IRAG2: variants seen among roughly 807,000 people sequenced by gnomAD.
The protein encoded by IRAG2 is lymphoid restricted membrane protein.
A neutral mutation model predicts 69.9 loss-of-function variants in IRAG2; 45 were observed. The ratio of observed to expected loss-of-function variants is 0.64; its 90% CI spans 0.51 to 0.83. The LOEUF is 0.83. IRAG2 is among the 40% of genes least tolerant of loss of function. The pLI, the probability that IRAG2 is intolerant of heterozygous loss-of-function variation, is 0.00. For synonymous variants in IRAG2, 193 were observed against 202.4 expected, an observed-to-expected ratio of 0.95 and a Z score of 0.40; for missense variants, 520 against 587.0, an observed-to-expected ratio of 0.89 and a Z score of 1.18.
chr12:25,004,915 G>A (rs1944419409), exon 1 of IRAG2: 2 of 1,222,560 alleles, frequency 1.6e-6, no homozygotes, highest in African/African-American at 3.1e-5. Flanking sequence ...GAATGAAGAT[G>A]GTAAATATTC....
chr12:25,015,112 A>AAAAAAAAAAAAAAAAT, intron 3 of IRAG2: 1 of 359,396 alleles, frequency 2.8e-6, no homozygotes, highest in Non-Finnish European at 3.8e-6. Context: ...AAAAAAAAAA[A>AAAAAAAAAAAAAAAAT]GACAAAACTT....
chr12:25,005,561 G>A (rs538377021), intron 2 of IRAG2, among the ~76,000 whole-genome samples: 3 of 152,284 alleles, frequency 2.0e-5, no homozygotes, highest in African/African-American at 7.2e-5. Flanking sequence ...TTTTGCATCA[G>A]CATATTTTAA....
chr12:25,092,149 C>A (rs1402191043), intron 14 of IRAG2, among the ~76,000 whole-genome samples: 4 of 151,846 alleles, frequency 2.6e-5, no homozygotes, highest in African/African-American at 4.8e-5. Flanking sequence ...TCTGTAGTCC[C>A]AGCTACTTGG....
At chr12:25,043,072 C>CT (rs1482278715) in intron 16 of IRAG2, among the ~76,000 whole-genome samples, 1 of 151,682 alleles carries the variant, frequency 6.6e-6, no homozygotes, top group African/African-American at 2.4e-5. Flanking sequence ...CCCTCCTTCT[C>CT]TCCAGGAGCA....
exon 3 of IRAG2, chr12:25,011,372 C>T: frequency 2.1e-5 from 26 of 1,231,716 alleles, no homozygotes; most frequent in Non-Finnish European, 2.4e-5. Flanking sequence ...TTTCCAAAGG[C>T]TCAGTCGGAG....
chr12:25,050,620 C>CACT (rs1413888212), upstream of IRAG2, among the ~76,000 whole-genome samples: 1 of 151,928 alleles, frequency 6.6e-6, no homozygotes, highest in Non-Finnish European at 1.5e-5. Flanking sequence ...CTAGGAACCC[C>CACT]ACTTCTGGGT....
chr12:25,088,267 G>C, intron 11 of IRAG2, 110 bp downstream of exon 11: 1 of 854,306 alleles, frequency 1.2e-6, no homozygotes, highest in African/African-American at 1.7e-5. Context: ...CTGCATCTCT[G>C]GATAAGGTCA....
chr12:25,072,726 A>C (rs1275850868), intron 6 of IRAG2, among the ~76,000 whole-genome samples: 1 of 152,194 alleles, frequency 6.6e-6, no homozygotes, highest in East Asian at 1.9e-4. Context: ...TATAACAAAC[A>C]ACTTGACCTG....
chr12:25,087,182 T>G (rs893433344), intron 10 of IRAG2, among the ~76,000 whole-genome samples: 1 of 143,176 alleles, frequency 7.0e-6, no homozygotes, highest in Non-Finnish European at 1.5e-5. Context: ...TTTTTTTTTT[T>G]GTTGAGACAG....
At chr12:25,079,094 C>T (rs1249435548) in intron 6 of IRAG2, 150 bp from the exon 7 acceptor site, 1 of 707,598 alleles carries the variant, frequency 1.4e-6, no homozygotes, top group Non-Finnish European at 2.5e-6. Flanking sequence ...ATCCATCTGC[C>T]CTATACCATC....
At chr12:25,102,112 GCTTTAC>G in intron 16 of IRAG2, 80 bp from the exon 17 acceptor site, 2 of 956,514 alleles carry the variant, frequency 2.1e-6, no homozygotes, top group East Asian at 2.5e-5. Flanking sequence ...TCTGAATTTT[GCTTTAC>G]CTTTAAAGAA....
chr12:25,033,791 T>C, intron 12 of IRAG2: 1 of 398,236 alleles, frequency 2.5e-6, no homozygotes, highest in Non-Finnish European at 4.4e-6. Flanking sequence ...TTCTGTTGAC[T>C]TCAAACGTAA....
At chr12:25,049,734 C>G (rs183653705), upstream of IRAG2, among the ~76,000 whole-genome samples, 426 of 152,200 alleles carry the variant, frequency 2.8e-3, 1 homozygote, top group Non-Finnish European at 5.1e-3. Context: ...CGCCTGTAAT[C>G]CCAGCACTTT....
In IRAG2 at chr12:25,060,271, C is replaced by A. The variant is rs115365568; in HGVS notation, c.-446-1321C>A. Among the ~76,000 whole-genome samples the A allele has an allele frequency of 9.2e-3, 1,396 of 152,174 alleles. 21 individuals carry two copies. The highest frequency in any genetic ancestry group is 0.032 in the African/African-American group (1,337 of 41,512). On this transcript the variant is annotated intron_variant, in intron 1 of 21. Coordinates refer to ENST00000556887, the MANE Select transcript of IRAG2 (RefSeq NM_001366544.2). ...TGTTCAAAAGATTTGGGTTTATTTTCTGGTTTTGGCTATGTTTCAGAGAGT... is the reference window on the plus strand; with the variant it reads ...TGTTCAAAAGATTTGGGTTTATTTTATGGTTTTGGCTATGTTTCAGAGAGT...
At chr12:25,106,885 GAAT>G in intron 20 of IRAG2, 55 bp from the exon 21 acceptor site, 1 of 702,840 alleles carries the variant, frequency 1.4e-6, no homozygotes, top group Non-Finnish European at 2.2e-6. Context: ...AATATTTTAT[GAAT>G]AATTATAGCA....
At chr12:25,035,832 C>T (rs1306987777) in intron 14 of IRAG2, 4 of 398,588 alleles carry the variant, frequency 1.0e-5, no homozygotes, top group African/African-American at 8.2e-5. Context: ...TTTTGGCTGG[C>T]AATATCTGCA....
chr12:25,075,179 A>G (rs1254250556), intron 6 of IRAG2, among the ~76,000 whole-genome samples: 4 of 152,218 alleles, frequency 2.6e-5, no homozygotes, highest in Non-Finnish European at 5.9e-5. Context: ...TTAAAATTCA[A>G]CTTAGCATTG....
rs569477559 is a variant in IRAG2, at chr12:25,069,289, G to A, written c.-58-61G>A. On this transcript the variant is annotated intron_variant, in intron 5 of 21. Transcript: ENST00000556887. ...GGAGTGAGAACCATGTTATAGTTTA[G>A]TATCTGCTAAGATTTGCAGTTTTTT... 6 of 742,208 alleles carry A rather than the reference G, an allele frequency of 8.1e-6. No individual in the cohort carries two copies. The African/African-American group carries it at 1.0e-4, about 13-fold the overall frequency. The allele number at this position is 742,208 out of a possible 1,614,324, so 46.0% of individuals were successfully genotyped here. A position where few individuals can be genotyped will look rare whatever the true frequency, so the allele number is the denominator to read the frequency against.
chr12:25,082,044 G>C (rs1947251430), intron 9 of IRAG2, among the ~76,000 whole-genome samples: 1 of 152,024 alleles, frequency 6.6e-6, no homozygotes, highest in Non-Finnish European at 1.5e-5. Context: ...ACGGGTGCAA[G>C]CCACCACATT....
Sources: gnomAD v4.1 joint callset for allele counts (sites outside exome capture counted in the v4.1 genomes callset) on GRCh38, gnomAD v4.1.1 for gene constraint, MANE v1.5 for transcripts, NCBI Gene and HGNC (gene_info 2026-07-23, HGNC 2026-07-21) for gene names.